The following DPP10 variants were observed in gnomAD, a reference collection of about 807,000 sequenced individuals.
DPP10 encodes inactive dipeptidyl peptidase 10.
A neutral mutation model predicts 120.9 loss-of-function variants in DPP10; 33 were observed. The observed-to-expected ratio is 0.27, with a 90% CI of 0.21 to 0.37. DPP10 has a LOEUF of 0.37. Ranked by LOEUF, DPP10 falls within the 10% of genes least tolerant of loss-of-function variation. The pLI, the probability that DPP10 is intolerant of heterozygous loss-of-function variation, is 1.00. For missense variants in DPP10, 816 were observed against 942.8 expected (o/e 0.87, Z 1.76); for synonymous variants, 337 against 326.1 (o/e 1.03, Z -0.36).
chr2:115,533,935 G>A (rs1373212785), intron 5 of DPP10, among the ~76,000 whole-genome samples: 1 of 151,924 alleles, frequency 6.6e-6, no homozygotes, highest in Non-Finnish European at 1.5e-5. Context: ...TTTCTTTTGG[G>A]TTAAGGCAAA....
chr2:114,616,314 G>A (rs1693671961), intron 1 of DPP10, among the ~76,000 whole-genome samples: 2 of 152,110 alleles, frequency 1.3e-5, no homozygotes, highest in African/African-American at 4.8e-5. Context: ...AGTGGAATAC[G>A]TTGGGCCAAT....
intron 3 of DPP10, among the ~76,000 whole-genome samples, chr2:115,493,350 A>G (rs1390372479): frequency 6.6e-6 from 1 of 152,080 alleles, no homozygotes; most frequent in Non-Finnish European, 1.5e-5. Flanking sequence ...CCAAAACTAT[A>G]AAAAGTTTAA....
rs79702217 is a variant in DPP10, at chr2:114,720,720, C to T, written c.60+277882C>T. On this transcript the variant is annotated intron_variant, in intron 1 of 25. Coordinates refer to ENST00000410059, the MANE Select transcript of DPP10 (RefSeq NM_020868.6). ...TAGTGCTCACCCATATCTGGTTCTC[C>T]TCTACTTTCTGGACACATGAAATAT... Among the ~76,000 whole-genome samples the T allele has an allele frequency of 9.6e-3, 1,463 of 152,292 alleles. 18 individuals carry two copies. Among genetic ancestry groups the T allele is most frequent in the African/African-American group, 0.034 (1,398 of 41,562 alleles).
intron 4 of DPP10, among the ~76,000 whole-genome samples, chr2:115,507,310 A>C (rs1224603067): frequency 6.6e-6 from 1 of 152,158 alleles, no homozygotes; most frequent in Non-Finnish European, 1.5e-5. Flanking sequence ...GTTGTGTGTC[A>C]GATAATATTC....
chr2:114,556,128 G>T (rs907719094), intron 1 of DPP10, among the ~76,000 whole-genome samples: 4 of 151,518 alleles, frequency 2.6e-5, no homozygotes, highest in African/African-American at 9.7e-5. Context: ...GGGACAAGAA[G>T]GGCAGCAGGG....
At chr2:114,904,316 A>G (rs575328001) in intron 1 of DPP10, among the ~76,000 whole-genome samples, 1 of 152,342 alleles carries the variant, frequency 6.6e-6, no homozygotes, top group East Asian at 1.9e-4. Flanking sequence ...ACAAAAAGTG[A>G]GACTTGTTAT....
intron 1 of DPP10, among the ~76,000 whole-genome samples, chr2:114,635,748 A>G (rs1169782016): frequency 6.6e-6 from 1 of 151,958 alleles, no homozygotes; most frequent in Non-Finnish European, 1.5e-5. Flanking sequence ...GATGTGAGTT[A>G]TATCCATTGC....
intron 3 of DPP10, among the ~76,000 whole-genome samples, chr2:115,452,439 T>C (rs1040700802): frequency 2.6e-5 from 4 of 151,938 alleles, no homozygotes; most frequent in African/African-American, 9.7e-5. Flanking sequence ...TCAATGCTGA[T>C]TGAACCTCGT....
intron 1 of DPP10, among the ~76,000 whole-genome samples, chr2:115,013,018 G>C (rs183120834): frequency 1.3e-5 from 2 of 152,306 alleles, no homozygotes; most frequent in East Asian, 3.9e-4. Flanking sequence ...ACTGTTAAGT[G>C]TGAATTTGAT....
At chr2:115,492,934 A>C (rs189429166) in intron 3 of DPP10, among the ~76,000 whole-genome samples, 2 of 152,274 alleles carry the variant, frequency 1.3e-5, no homozygotes, top group African/African-American at 4.8e-5. Context: ...CTTTGAAAAA[A>C]GTGAAAAGTT....
intron 1 of DPP10, among the ~76,000 whole-genome samples, chr2:114,882,004 A>T (rs1691683248): frequency 6.6e-6 from 1 of 152,168 alleles, no homozygotes; most frequent in East Asian, 1.9e-4. Context: ...TCCTGCAACA[A>T]GTATGTAAGT....
At chr2:115,571,718 A>C (rs2149092025) in intron 5 of DPP10, among the ~76,000 whole-genome samples, 1 of 454 alleles carries the variant, frequency 2.2e-3, no homozygotes, top group South Asian at 0.026. Flanking sequence ...TGATTTTAGA[A>C]AAAAATATGT....
intron 7 of DPP10, among the ~76,000 whole-genome samples, chr2:115,691,671 C>T (rs2091322874): frequency 6.6e-6 from 1 of 152,092 alleles, no homozygotes; most frequent in African/African-American, 2.4e-5. Flanking sequence ...TTTAGCCTTT[C>T]ATATGAATGT....
At chr2:115,690,839 C>T (rs1300983648) in intron 7 of DPP10, among the ~76,000 whole-genome samples, 1 of 152,188 alleles carries the variant, frequency 6.6e-6, no homozygotes, top group Non-Finnish European at 1.5e-5. Context: ...CATCACCAAA[C>T]TGATTTCTAG....
At chr2:115,428,131 C>A (rs111443797) in intron 3 of DPP10, among the ~76,000 whole-genome samples, 2,371 of 152,298 alleles carry the variant, frequency 0.016, 24 homozygotes, top group Admixed American at 0.038. Context: ...CCTCAGCAGC[C>A]TGGACTTCAC....
intron 1 of DPP10, chr2:115,064,912 T>A: frequency 8.4e-7 from 1 of 1,184,076 alleles, no homozygotes; most frequent in Non-Finnish European, 1.1e-6. Flanking sequence ...CCTATTTTTC[T>A]TTTTTGTTTT....
rs563035188 is a variant in DPP10, at chr2:115,259,484, CA to C, written c.61-49741del. ...GGGCAACAAGAGAGAAACTTCATCT[CA>C]AAAAAAAAAAAAAGAAAGAAAGAAT... On this transcript the variant is annotated intron_variant, in intron 1 of 25. Coordinates refer to ENST00000410059, the MANE Select transcript of DPP10 (RefSeq NM_020868.6). Among the ~76,000 whole-genome samples, 1,049 of 107,366 alleles carry C rather than the reference CA, an allele frequency of 9.8e-3. 4 individuals are homozygous for C. Among genetic ancestry groups the C allele is most frequent in the South Asian group, 0.024 (79 of 3,316 alleles). The allele number at this position is 107,366 out of a possible 152,430, so 70.4% of individuals were successfully genotyped here.
intron 3 of DPP10, among the ~76,000 whole-genome samples, chr2:115,365,579 T>C (rs986432458): frequency 6.6e-6 from 1 of 152,042 alleles, no homozygotes; most frequent in Non-Finnish European, 1.5e-5. Flanking sequence ...TATTTTTTTT[T>C]CTCCTTGGTT....
chr2:114,482,947 T>C (rs1681189840), intron 1 of DPP10, among the ~76,000 whole-genome samples: 1 of 152,184 alleles, frequency 6.6e-6, no homozygotes, highest in East Asian at 1.9e-4. Context: ...CCACACAAGA[T>C]TGATTATTTT....
Sources: allele counts gnomAD v4.1 joint callset (sites outside exome capture counted in the v4.1 genomes callset), GRCh38; gene constraint gnomAD v4.1.1; transcripts MANE v1.5; gene names NCBI Gene and HGNC (gene_info 2026-07-23, HGNC 2026-07-21).